The following DLGAP2 variants were observed in gnomAD, a reference collection of about 807,000 sequenced individuals.
The protein encoded by DLGAP2 is DLG associated protein 2, also known as disks large-associated protein 2.
Under a neutral mutation model 100.3 loss-of-function variants are expected in DLGAP2, and 26 were observed. That is an observed-to-expected ratio of 0.26 (90% confidence interval 0.19 to 0.36). The LOEUF (loss-of-function observed/expected upper bound fraction) is 0.36, where lower values mean the gene tolerates loss of function less well. DLGAP2 is among the 10% of genes least tolerant of loss of function. The pLI, the probability that DLGAP2 is intolerant of heterozygous loss-of-function variation, is 1.00. For synonymous variants in DLGAP2, 886 were observed against 630.1 expected, an observed-to-expected ratio of 1.41 and a Z score of -6.08; for missense variants, 1,858 against 1,453.2, an observed-to-expected ratio of 1.28 and a Z score of -4.53.
chr8:1,093,090 C>G lies in DLGAP2; in HGVS notation c.74-165761C>G, dbSNP rs541787452. Among the ~76,000 whole-genome samples, 169 of 152,324 alleles carry G rather than the reference C, an allele frequency of 1.1e-3. 3 individuals carry two copies. Among genetic ancestry groups the G allele is most frequent in the South Asian group, 2.7e-3 (13 of 4,828 alleles). On this transcript the variant is annotated intron_variant, in intron 2 of 14. Coordinates refer to ENST00000637795, the MANE Select transcript of DLGAP2 (RefSeq NM_001346810.2). Reference sequence around the variant, plus strand: ...CTGAAAACCGAGGCCGAGCTCCTTCCTCCTTGGGGACCGCACGCTTCTTCT... The same window carrying G: ...CTGAAAACCGAGGCCGAGCTCCTTCGTCCTTGGGGACCGCACGCTTCTTCT...
At chr8:1,232,259 C>T (rs1269547598) in intron 2 of DLGAP2, among the ~76,000 whole-genome samples, 3 of 152,182 alleles carry the variant, frequency 2.0e-5, no homozygotes, top group Admixed American at 1.3e-4. Context: ...AAAAGGACCC[C>T]GTGCTGAGGA....
chr8:1,148,481 A>G (rs1428800271), intron 2 of DLGAP2, among the ~76,000 whole-genome samples: 1 of 151,746 alleles, frequency 6.6e-6, no homozygotes, highest in African/African-American at 2.4e-5. Context: ...TTGTTTCTTC[A>G]TTTGGATTTA....
In DLGAP2 at chr8:1,072,148, G is replaced by A. The variant is rs74996272; in HGVS notation, c.73+164182G>A. ...TCAAGGCACACAGTGGAGGGGGTGC[G>A]GGTTTGATGCAGTTACAGAAAAGTT... On this transcript the variant is annotated intron_variant, in intron 2 of 14. Coordinates refer to ENST00000637795, the MANE Select transcript of DLGAP2 (RefSeq NM_001346810.2). Among the ~76,000 whole-genome samples, 741 of 152,282 alleles carry A rather than the reference G, an allele frequency of 4.9e-3. 8 individuals carry two copies. Among genetic ancestry groups the A allele is most frequent in the African/African-American group, 0.017 (699 of 41,544 alleles).
rs1799713389 is a variant in DLGAP2, at chr8:1,706,660, C to G, written c.*5254C>G. ...AACCAGAATTAGGCCACGTTTTCAC[C>G]ATTACTTAAGCTCAATCGCCTCTTA... On this transcript the variant is annotated 3_prime_UTR_variant, in exon 15 of 15. Coordinates refer to ENST00000637795, the MANE Select transcript of DLGAP2 (RefSeq NM_001346810.2). 1 of 152,118 alleles carries G rather than the reference C, an allele frequency of 6.6e-6. No individual in the cohort carries two copies. Among genetic ancestry groups the G allele is most frequent in the South Asian group, 2.1e-4 (1 of 4,828 alleles). 9.4% of individuals were successfully genotyped at this position (152,118 alleles called of 1,614,324 possible).
At chr8:743,433 G>A (rs76691662) in intron 1 of DLGAP2, among the ~76,000 whole-genome samples, 8,509 of 152,082 alleles carry the variant, frequency 0.056, 449 homozygotes, top group Admixed American at 0.16. Flanking sequence ...CTGGGGTTGT[G>A]TAATATATAA....
chr8:1,163,369 A>T (rs1212860058), intron 2 of DLGAP2, among the ~76,000 whole-genome samples: 1 of 152,162 alleles, frequency 6.6e-6, no homozygotes, highest in East Asian at 1.9e-4. Flanking sequence ...GCCTCCGCTC[A>T]GCGGGTCCGC....
At chr8:818,916 A>G (rs1796535754) in intron 1 of DLGAP2, among the ~76,000 whole-genome samples, 4 of 152,228 alleles carry the variant, frequency 2.6e-5, no homozygotes, top group Admixed American at 1.3e-4. Context: ...GAAAAATTTA[A>G]TGGAGCAGTA....
At chr8:1,527,529 T>A (rs900762534) in intron 4 of DLGAP2, among the ~76,000 whole-genome samples, 2 of 152,240 alleles carry the variant, frequency 1.3e-5, no homozygotes, top group South Asian at 4.1e-4. Context: ...ACAGATTCAT[T>A]GCCATGGAGA....
chr8:1,296,297 A>G (rs1800171857), intron 3 of DLGAP2: 2 of 152,196 alleles, frequency 1.3e-5, no homozygotes, highest in Admixed American at 6.5e-5. Context: ...CTTTTCTAGA[A>G]CCTCAATTAT....
At position 1,517,614 on chromosome 8, in the gene DLGAP2, C is replaced by G. The variant is rs548258517; in HGVS notation, c.172+16183C>G. On this transcript the variant is annotated intron_variant, in intron 4 of 14. Transcript: ENST00000637795. ...TCCACCAGCAAGGGGCCCCTCCATC[C>G]GAATGCAGGCACACACCTGCTAAAA... 2.0e-5 allele frequency among the ~76,000 whole-genome samples: 3 copies of G among 152,284 alleles called. No homozygotes were observed. The East Asian group carries it at 5.8e-4, about 29-fold the overall frequency.
chr8:981,319 C>T (rs1800325315), intron 2 of DLGAP2, among the ~76,000 whole-genome samples: 1 of 152,078 alleles, frequency 6.6e-6, no homozygotes, highest in Non-Finnish European at 1.5e-5. Context: ...ATCCATGTAC[C>T]TGCTGATGGG....
intron 2 of DLGAP2, among the ~76,000 whole-genome samples, chr8:1,140,418 C>G (rs1796501657): frequency 6.6e-6 from 1 of 152,150 alleles, no homozygotes; most frequent in Non-Finnish European, 1.5e-5. Context: ...GTGCTTGTTC[C>G]CCTACCAGTG....
At chr8:1,305,419 C>G (rs13255745) in intron 3 of DLGAP2, among the ~76,000 whole-genome samples, 46,356 of 152,054 alleles carry the variant, frequency 0.3, 7,406 homozygotes, top group South Asian at 0.31. Context: ...GAAATTAGTC[C>G]TTACAGTTTT....
intron 2 of DLGAP2, among the ~76,000 whole-genome samples, chr8:1,144,734 A>T (rs1375175484): frequency 1.3e-5 from 2 of 152,254 alleles, no homozygotes; most frequent in African/African-American, 2.4e-5. Context: ...TCTAGGGTCC[A>T]TCCAGGAAAC....
At chr8:1,409,862 C>T (rs546361769) in intron 3 of DLGAP2, among the ~76,000 whole-genome samples, 41 of 152,196 alleles carry the variant, frequency 2.7e-4, no homozygotes, top group Non-Finnish European at 4.9e-4. Flanking sequence ...CCCTCAGTGC[C>T]GGGGCCTTCG....
intron 2 of DLGAP2, among the ~76,000 whole-genome samples, chr8:1,058,651 G>A (rs1802956796): frequency 6.6e-6 from 1 of 152,234 alleles, no homozygotes; most frequent in African/African-American, 2.4e-5. Context: ...CATCTACCAA[G>A]TAGGTTGTTT....
chr8:1,135,843 C>T (rs1796399022), intron 2 of DLGAP2, among the ~76,000 whole-genome samples: 1 of 152,160 alleles, frequency 6.6e-6, no homozygotes, highest in African/African-American at 2.4e-5. Context: ...TAGATCTCTG[C>T]TGAGCACGGG....
chr8:1,373,212 A>C (rs1296045411), intron 3 of DLGAP2, among the ~76,000 whole-genome samples: 1 of 152,068 alleles, frequency 6.6e-6, no homozygotes, highest in African/African-American at 2.4e-5. Context: ...GTGACTGCGC[A>C]GCAAGACTCT....
chr8:1,088,418 A>G (rs1051847241), intron 2 of DLGAP2, among the ~76,000 whole-genome samples: 6 of 152,208 alleles, frequency 3.9e-5, no homozygotes, highest in Admixed American at 2.0e-4. Context: ...CTGTTGGCTG[A>G]TTTCCATCTT....
Sources: gnomAD v4.1 joint callset for allele counts (sites outside exome capture counted in the v4.1 genomes callset) on GRCh38, gnomAD v4.1.1 for gene constraint, MANE v1.5 for transcripts, NCBI Gene and HGNC (gene_info 2026-07-23, HGNC 2026-07-21) for gene names.